Variants in FRMPD1 observed in about 807,000 individuals in gnomAD.
FRMPD1 encodes the protein FERM and PDZ domain-containing protein 1.
Under a neutral mutation model 117.8 loss-of-function variants are expected in FRMPD1, and 76 were observed. The observed-to-expected ratio is 0.65, with a 90% CI of 0.54 to 0.78. The LOEUF is 0.78. FRMPD1 is among the 30% of genes least tolerant of loss of function. FRMPD1 has a pLI of 0.00. For missense variants in FRMPD1, 1,786 were observed against 1,964.5 expected (o/e 0.91, Z 1.72); for synonymous variants, 783 against 770.4 (o/e 1.02, Z -0.27).
Position 37,744,769 on chromosome 9 carries a change from A to G in FRMPD1, c.2737A>G (p.Ser913Gly). 6.2e-7 allele frequency: 1 copy of G among 1,614,148 alleles called. No homozygotes were observed. Among genetic ancestry groups the G allele is most frequent in the Non-Finnish European group, 8.5e-7 (1 of 1,180,020 alleles). ...GLLAPLRETKSTNPASRVMEM... is the reference protein window; with the variant it reads ...GLLAPLRETKGTNPASRVMEM... ...GCTGGCTCCTCTGAGGGAGACCAAG[A>G]GCACAAACCCAGCCTCCAGGGTCAT... Residue 913 changes from serine (S) to glycine (G), a missense_variant, in exon 16 of 16, where the codon AGC becomes GGC. Physicochemically the swap from Ser to Gly is moderately conservative, Grantham distance 56 (BLOSUM62 0). Coordinates refer to ENST00000377765, the MANE Select transcript of FRMPD1 (RefSeq NM_014907.3).
At chr9:37,692,241 A>G (rs1276521526) in intron 1 of FRMPD1, among the ~76,000 whole-genome samples, 4 of 152,206 alleles carry the variant, frequency 2.6e-5, no homozygotes, top group East Asian at 3.8e-4. Flanking sequence ...TTCCATGTCC[A>G]TGGGGTTCCT....
chr9:37,654,155 T>C (rs1465820311), intron 1 of FRMPD1, among the ~76,000 whole-genome samples: 1 of 152,222 alleles, frequency 6.6e-6, no homozygotes, highest in Non-Finnish European at 1.5e-5. Flanking sequence ...TCTACCTTCC[T>C]GGAGTTTATA....
At chr9:37,623,211 TCTA>T in the FRMPD1 span, among the ~76,000 whole-genome samples, 1 of 152,212 alleles carries the variant, frequency 6.6e-6, no homozygotes, top group African/African-American at 2.4e-5. Context: ...CTGAGACCAC[TCTA>T]TGCTGTGTCC....
intron 4 of FRMPD1, among the ~76,000 whole-genome samples, chr9:37,709,691 T>C (rs957675272): frequency 2.6e-5 from 4 of 152,186 alleles, no homozygotes; most frequent in African/African-American, 9.7e-5. Flanking sequence ...GTGTCTTTAA[T>C]GCTGGGTAAA....
chr9:37,665,838 C>CT (rs1821143021), intron 1 of FRMPD1, among the ~76,000 whole-genome samples: 2 of 152,144 alleles, frequency 1.3e-5, no homozygotes, highest in South Asian at 2.1e-4. Context: ...ACCCCAGCAG[C>CT]CACATGTGAG....
intron 2 of FRMPD1, among the ~76,000 whole-genome samples, chr9:37,696,300 A>G (rs1822322188): frequency 2.6e-5 from 4 of 151,632 alleles, no homozygotes; most frequent in Admixed American, 2.0e-4. Context: ...ATCACGCTTT[A>G]TAATTATATA....
In FRMPD1 at chr9:37,732,312, C is replaced by T. The variant is rs371505813; in HGVS notation, c.867C>T (p.Ser289=). 20 of 1,613,296 alleles carry T rather than the reference C, an allele frequency of 1.2e-5. No individual in the cohort carries two copies. The African/African-American group carries it at 1.7e-4, about 14-fold the overall frequency. The part of the protein sequence containing the change: ...AFEYLYLQSC[S]DVLQERFAVE... ...TATTTAATCTCTTCTAGAGCTGCAG[C>T]GATGTGCTCCAGGAGCGCTTTGCTG... Residue 289 remains serine (S), a synonymous_variant, in exon 10 of 16, where the codon AGC becomes AGT. Coordinates refer to ENST00000377765, the MANE Select transcript of FRMPD1 (RefSeq NM_014907.3).
At position 37,670,252 on chromosome 9, in the gene FRMPD1, G is replaced by C. The variant is rs139571520; in HGVS notation, c.-5+19158G>C. On this transcript the variant is annotated intron_variant, in intron 1 of 15. Coordinates refer to ENST00000377765, the MANE Select transcript of FRMPD1 (RefSeq NM_014907.3). The stretch of plus-strand genomic sequence containing the variant: ...GCATGGCTCATGTTAAGTGCTGGGG[G>C]AGACGTATTCGAGTTTATCAGGAGG... 1.0e-3 allele frequency among the ~76,000 whole-genome samples: 154 copies of C among 152,262 alleles called. 1 individual carries two copies. The highest frequency in any genetic ancestry group is 3.7e-3 in the African/African-American group (152 of 41,544).
At chr9:37,643,524 A>G in the FRMPD1 span, among the ~76,000 whole-genome samples, 1 of 152,148 alleles carries the variant, frequency 6.6e-6, no homozygotes, top group African/African-American at 2.4e-5. Context: ...TTTAACTTTC[A>G]AAAACAATTT....
At chr9:37,739,612 C>T (rs954042096) in intron 14 of FRMPD1, among the ~76,000 whole-genome samples, 2 of 152,116 alleles carry the variant, frequency 1.3e-5, no homozygotes, top group African/African-American at 4.8e-5. Flanking sequence ...AATACAGATT[C>T]TCAGGCCCCA....
intron 1 of FRMPD1, among the ~76,000 whole-genome samples, chr9:37,674,387 T>G (rs899314497): frequency 6.6e-6 from 1 of 152,224 alleles, no homozygotes; most frequent in Non-Finnish European, 1.5e-5. Flanking sequence ...CTATCAGCAT[T>G]TCAGTCAAAG....
intron 7 of FRMPD1, among the ~76,000 whole-genome samples, chr9:37,726,584 G>C (rs1010035298): frequency 6.6e-6 from 1 of 152,146 alleles, no homozygotes; most frequent in African/African-American, 2.4e-5. Context: ...TGTAGTCCCA[G>C]CTACTTGGGA....
At chr9:37,738,089 G>A (rs1824217622) in intron 14 of FRMPD1, among the ~76,000 whole-genome samples, 1 of 152,186 alleles carries the variant, frequency 6.6e-6, no homozygotes. Context: ...ACTCCCTGCA[G>A]AGGGACAAAA....
the FRMPD1 span, among the ~76,000 whole-genome samples, chr9:37,633,638 T>C: frequency 2.0e-5 from 3 of 152,096 alleles, no homozygotes; most frequent in East Asian, 1.9e-4. Context: ...GGCAAGAGGA[T>C]TGCTTGAGCC....
intron 1 of FRMPD1, among the ~76,000 whole-genome samples, chr9:37,654,439 C>T (rs1820780104): frequency 6.6e-6 from 1 of 152,134 alleles, no homozygotes; most frequent in African/African-American, 2.4e-5. Flanking sequence ...GACTCTGGGG[C>T]CACACCACCT....
chr9:37,739,047 G>C (rs976190113), intron 14 of FRMPD1, among the ~76,000 whole-genome samples: 4 of 152,170 alleles, frequency 2.6e-5, no homozygotes, highest in African/African-American at 9.7e-5. Flanking sequence ...CCCACCACGA[G>C]AAGGGCAGCT....
chr9:37,635,709 G>C, the FRMPD1 span, among the ~76,000 whole-genome samples: 1 of 152,232 alleles, frequency 6.6e-6, no homozygotes, highest in Non-Finnish European at 1.5e-5. Context: ...GCAGGAAGCA[G>C]CTGTACCAGA....
chr9:37,680,110 C>T (rs1821671268), intron 1 of FRMPD1, among the ~76,000 whole-genome samples: 1 of 152,178 alleles, frequency 6.6e-6, no homozygotes, highest in Non-Finnish European at 1.5e-5. Flanking sequence ...GAGAAAGGCA[C>T]AGCCTGGATC....
the FRMPD1 span, among the ~76,000 whole-genome samples, chr9:37,641,138 G>A: frequency 5.9e-5 from 9 of 152,090 alleles, no homozygotes; most frequent in Non-Finnish European, 1.2e-4. Flanking sequence ...TCTGCCCACC[G>A]CAGCCTCCCA....
Sources: gnomAD v4.1 joint callset for allele counts (sites outside exome capture counted in the v4.1 genomes callset) on GRCh38, gnomAD v4.1.1 for gene constraint, MANE v1.5 for transcripts, NCBI Gene and HGNC (gene_info 2026-07-23, HGNC 2026-07-21) for gene names.